Variants in KCNU1 observed in about 807,000 individuals in gnomAD.
KCNU1 encodes potassium channel subfamily U member 1.
In KCNU1, 93 loss-of-function variants were observed where a neutral mutation model predicts 126.8. The observed-to-expected ratio is 0.73, with a 90% CI of 0.62 to 0.87. KCNU1 has a LOEUF of 0.87. Among genes scored for constraint, KCNU1 ranks in the 40% least tolerant of loss-of-function variants. KCNU1 has a pLI of 0.00. For synonymous variants in KCNU1, 523 were observed against 494.2 expected, an observed-to-expected ratio of 1.06 and a Z score of -0.77; for missense variants, 1,330 against 1,367.1, an observed-to-expected ratio of 0.97 and a Z score of 0.43.
chr8:36,871,923 A>C (rs1436784617), intron 19 of KCNU1, among the ~76,000 whole-genome samples: 1 of 152,166 alleles, frequency 6.6e-6, no homozygotes, highest in Non-Finnish European at 1.5e-5. Context: ...GTCATATATA[A>C]AAGACCAACT....
chr8:36,887,636 A>G (rs1806767928), intron 19 of KCNU1, among the ~76,000 whole-genome samples: 1 of 152,076 alleles, frequency 6.6e-6, no homozygotes. Context: ...CTCTTGTCCA[A>G]TAAAAGCTGT....
intron 19 of KCNU1, among the ~76,000 whole-genome samples, chr8:36,867,897 T>C (rs987884380): frequency 1.3e-5 from 2 of 152,100 alleles, no homozygotes; most frequent in Non-Finnish European, 1.5e-5. Context: ...CTATTTCTGG[T>C]TGGGGATCCC....
chr8:36,881,124 G>T (rs1253534663), intron 19 of KCNU1, among the ~76,000 whole-genome samples: 1 of 152,198 alleles, frequency 6.6e-6, no homozygotes, highest in African/African-American at 2.4e-5. Flanking sequence ...TGCCGCCACT[G>T]ACAAGACCGG....
chr8:36,933,705 G>A (rs1043665711), intron 26 of KCNU1, among the ~76,000 whole-genome samples: 9 of 152,044 alleles, frequency 5.9e-5, no homozygotes, highest in African/African-American at 2.2e-4. Flanking sequence ...CCAGGAGAAA[G>A]GAGAAGGAAG....
At chr8:36,830,166 A>G (rs1804479526) in intron 10 of KCNU1, among the ~76,000 whole-genome samples, 1 of 150,792 alleles carries the variant, frequency 6.6e-6, no homozygotes, top group Non-Finnish European at 1.5e-5. Flanking sequence ...ATAATAAAAC[A>G]TAAATTGTAC....
At chr8:36,815,353 G>A (rs1357042634) in intron 8 of KCNU1, among the ~76,000 whole-genome samples, 1 of 152,106 alleles carries the variant, frequency 6.6e-6, no homozygotes, top group Non-Finnish European at 1.5e-5. Flanking sequence ...GACATGTGGG[G>A]AAATCACCTT....
In KCNU1 at chr8:36,874,953, G is replaced by T. The variant is rs1806226504; in HGVS notation, c.2009+10432G>T. Among the ~76,000 whole-genome samples the T allele has an allele frequency of 2.6e-5, 4 of 151,910 alleles. No homozygotes were observed. In the South Asian group the frequency reaches 8.3e-4, roughly 32 times the overall value. On this transcript the variant is annotated intron_variant, in intron 19 of 26. Transcript: ENST00000399881. ...GAACCCCTCTGTTCCTCCCAGAGGG[G>T]TTCTAAGCCCACTTCCAATCATAAC...
intron 19 of KCNU1, among the ~76,000 whole-genome samples, chr8:36,870,330 C>T (rs16885531): frequency 0.37 from 56,644 of 152,032 alleles, 10,876 homozygotes; most frequent in Admixed American, 0.43. Flanking sequence ...TTTATGCTCA[C>T]GCATGACTCC....
At chr8:36,875,857 C>G (rs940695947) in intron 19 of KCNU1, among the ~76,000 whole-genome samples, 1 of 152,036 alleles carries the variant, frequency 6.6e-6, no homozygotes, top group African/African-American at 2.4e-5. Flanking sequence ...TATCCAGAGA[C>G]CTTCTTTCTA....
intron 2 of KCNU1, among the ~76,000 whole-genome samples, chr8:36,802,845 TG>T (rs1042219818): frequency 4.7e-4 from 71 of 152,142 alleles, no homozygotes; most frequent in African/African-American, 1.6e-3. Flanking sequence ...GATGTCAATG[TG>T]GGGGCAGGGA....
chr8:36,840,840 G>T (rs1804923322), intron 15 of KCNU1, 92 bp from the exon 16 acceptor site: 2 of 900,950 alleles, frequency 2.2e-6, no homozygotes, highest in Admixed American at 1.9e-5. Flanking sequence ...CTAAGATGTT[G>T]GTTTCCTCCT....
chr8:36,841,495 C>T (rs577160624), intron 16 of KCNU1, among the ~76,000 whole-genome samples: 1 of 152,134 alleles, frequency 6.6e-6, no homozygotes, highest in South Asian at 2.1e-4. Flanking sequence ...AGTTCAAGAG[C>T]AGCCTGGCCA....
rs978544756 is a variant in KCNU1, at chr8:36,787,328, T to C, written c.218T>C (p.Ile73Thr). The change falls in exon 2 of 27, where the codon ATC becomes ACC. Residue 73 changes from isoleucine (I) to threonine (T), a missense_variant. Physicochemically the swap from Ile to Thr is moderately conservative, Grantham distance 89. This residue lies in a region of KCNU1 where 247 missense variants were observed against 255.4 expected (regional missense o/e 0.97). Transcript: ENST00000399881. ...IILELFTSGTIARSHVRSLHF... is the reference protein window; with the variant it reads ...IILELFTSGTTARSHVRSLHF... ...TAGGAACTGTTCACATCAGGTACCATCGCTAGGAGCCATGTAAGAAGCCTC... is the reference window on the plus strand; with the variant it reads ...TAGGAACTGTTCACATCAGGTACCACCGCTAGGAGCCATGTAAGAAGCCTC... 1 of 1,611,580 alleles carries C rather than the reference T, an allele frequency of 6.2e-7. No individual in the cohort carries two copies.
chr8:36,806,691 G>GGA (rs750650330), intron 5 of KCNU1, among the ~76,000 whole-genome samples: 5 of 152,054 alleles, frequency 3.3e-5, no homozygotes, highest in Non-Finnish European at 7.4e-5. Flanking sequence ...AGGAGCTGGG[G>GGA]GAGATGAAAA....
rs373906669 is a variant in KCNU1, at chr8:36,918,827, G to T, written c.2526G>T (p.Glu842Asp). The change falls in exon 23 of 27, where the codon GAG becomes GAT. Residue 842 changes from glutamate to aspartate, a missense_variant. Glu to Asp is a conservative substitution (Grantham distance 45). Around this residue, in one of 3 missense-constraint regions of KCNU1, gnomAD observed 1,054 missense variants for 1,053.9 expected, o/e 1.00. Transcript: ENST00000399881. ...CACCTCTTTTCTTCTTTGCAGAGGA[G>T]ACTCCAGGTTACACAAATGGACATA... ...SSDPSPSVSE[E>D]TPGYTNGHNE... The T allele has an allele frequency of 1.9e-6, 3 of 1,597,126 alleles. No homozygotes were observed. The highest frequency in any genetic ancestry group is 2.6e-6 in the Non-Finnish European group (3 of 1,164,870).
At chr8:36,932,794 C>A in intron 25 of KCNU1, 126 bp from the exon 26 acceptor site, 1 of 633,818 alleles carries the variant, frequency 1.6e-6, no homozygotes, top group Non-Finnish European at 2.9e-6. Flanking sequence ...AGTGCCACCA[C>A]AAAGATATTA....
At chr8:36,860,574 A>G (rs1468210680) in intron 18 of KCNU1, among the ~76,000 whole-genome samples, 5 of 152,188 alleles carry the variant, frequency 3.3e-5, no homozygotes, top group Non-Finnish European at 7.3e-5. Flanking sequence ...GGATTTAAGA[A>G]TAGTAGTATT....
At chr8:36,834,966 T>C (rs1228778457) in intron 12 of KCNU1, 98 bp downstream of exon 12, 2 of 778,482 alleles carry the variant, frequency 2.6e-6, no homozygotes, top group Non-Finnish European at 2.1e-6. Flanking sequence ...AAATGTCGTC[T>C]ATCATATCAC....
chr8:36,881,783 G>C (rs892637047), intron 19 of KCNU1, among the ~76,000 whole-genome samples: 2 of 141,996 alleles, frequency 1.4e-5, no homozygotes, highest in African/African-American at 5.3e-5. Flanking sequence ...TGGTGTTGCT[G>C]GGAAAAGTCA....
Sources: allele counts gnomAD v4.1 joint callset (sites outside exome capture counted in the v4.1 genomes callset), GRCh38; gene constraint gnomAD v4.1.1; regional missense constraint gnomAD v4.1.1; transcripts MANE v1.5; gene names NCBI Gene and HGNC (gene_info 2026-07-23, HGNC 2026-07-21).